Variants in FSTL5 observed in about 807,000 individuals in gnomAD.
FSTL5 encodes the protein follistatin like 5.
Under a neutral mutation model 89.1 loss-of-function variants are expected in FSTL5, and 62 were observed. That is an observed-to-expected ratio of 0.70 (90% CI 0.57 to 0.86). FSTL5 has a LOEUF of 0.86. Among genes scored for constraint, FSTL5 ranks in the 40% least tolerant of loss-of-function variants. FSTL5 has a pLI of 0.00. For missense variants in FSTL5, 1,057 were observed against 1,001.6 expected (o/e 1.06, Z -0.75); for synonymous variants, 383 against 346.2 (o/e 1.11, Z -1.18).
chr4:161,605,877 T>TGCGCTG, intron 7 of FSTL5, among the ~76,000 whole-genome samples: 1 of 152,314 alleles, frequency 6.6e-6, no homozygotes, highest in African/African-American at 2.4e-5. Flanking sequence ...GACTATGTGC[T>TGCGCTG]GCGCTGTGTT....
intron 1 of FSTL5, among the ~76,000 whole-genome samples, chr4:162,154,184 A>C (rs1316866517): frequency 6.6e-6 from 1 of 152,102 alleles, no homozygotes; most frequent in Non-Finnish European, 1.5e-5. Flanking sequence ...CCTTTTAGTT[A>C]GTTATCTTTA....
At chr4:161,696,312 G>C (rs1310101528) in intron 6 of FSTL5, among the ~76,000 whole-genome samples, 1 of 152,052 alleles carries the variant, frequency 6.6e-6, no homozygotes, top group Non-Finnish European at 1.5e-5. Flanking sequence ...TGTTCCATTG[G>C]CCTTTATGAC....
intron 7 of FSTL5, among the ~76,000 whole-genome samples, chr4:161,596,292 C>A (rs1734009281): frequency 6.6e-6 from 1 of 151,642 alleles, no homozygotes; most frequent in Non-Finnish European, 1.5e-5. Flanking sequence ...TAAAGTAAAT[C>A]ATTTTATGAA....
At chr4:161,401,883 G>T (rs930896137) in intron 15 of FSTL5, among the ~76,000 whole-genome samples, 3 of 152,038 alleles carry the variant, frequency 2.0e-5, no homozygotes, top group Non-Finnish European at 2.9e-5. Flanking sequence ...CACTTGAATG[G>T]AAATTATATT....
At chr4:161,512,938 C>A (rs1418931015) in intron 10 of FSTL5, among the ~76,000 whole-genome samples, 5 of 152,010 alleles carry the variant, frequency 3.3e-5, no homozygotes, top group Non-Finnish European at 7.4e-5. Context: ...TTTTACTACA[C>A]AAACAGAAAG....
At chr4:161,727,593 C>T (rs1739465233) in intron 6 of FSTL5, among the ~76,000 whole-genome samples, 1 of 152,136 alleles carries the variant, frequency 6.6e-6, no homozygotes, top group Non-Finnish European at 1.5e-5. Flanking sequence ...ATTCCCTGAC[C>T]AGTTCTAACC....
At chr4:162,045,385 A>G (rs1365274966) in intron 2 of FSTL5, among the ~76,000 whole-genome samples, 1 of 152,134 alleles carries the variant, frequency 6.6e-6, no homozygotes, top group Non-Finnish European at 1.5e-5. Context: ...AGTTCAGTTC[A>G]TGGTGCTCCA....
intron 7 of FSTL5, among the ~76,000 whole-genome samples, chr4:161,617,867 A>C (rs1022011065): frequency 1.3e-5 from 2 of 152,198 alleles, no homozygotes; most frequent in Non-Finnish European, 2.9e-5. Context: ...CTGCACTTTA[A>C]GAAATGCTTA....
At chr4:161,387,022 A>G (rs1203907458) in intron 15 of FSTL5, 1 of 152,210 alleles carries the variant, frequency 6.6e-6, no homozygotes, top group African/African-American at 2.4e-5. Context: ...ATAATGAAGA[A>G]CTTTATTTTT....
At chr4:161,972,142 G>C (rs1226057928) in intron 3 of FSTL5, among the ~76,000 whole-genome samples, 5 of 152,048 alleles carry the variant, frequency 3.3e-5, no homozygotes, top group African/African-American at 1.2e-4. Context: ...TCCCAGGCTG[G>C]AGTGCAGTGG....
chr4:161,771,522 T>C (rs995609303), intron 5 of FSTL5, among the ~76,000 whole-genome samples: 30 of 152,256 alleles, frequency 2.0e-4, no homozygotes, highest in Non-Finnish European at 1.3e-4. Context: ...TTAACCACTA[T>C]GTTATGAGCA....
chr4:161,998,512 C>T (rs956684792), intron 3 of FSTL5, among the ~76,000 whole-genome samples: 2 of 152,020 alleles, frequency 1.3e-5, no homozygotes, highest in African/African-American at 4.8e-5. Flanking sequence ...ATTTAAAATC[C>T]TTCACCTTTG....
intron 3 of FSTL5, among the ~76,000 whole-genome samples, chr4:161,972,535 C>A (rs1735513420): frequency 6.6e-6 from 1 of 152,128 alleles, no homozygotes; most frequent in Admixed American, 6.5e-5. Context: ...ACTGAGGATG[C>A]CTTTGGCCAA....
chr4:161,774,197 C>G (rs1741314561), intron 5 of FSTL5, among the ~76,000 whole-genome samples: 1 of 152,114 alleles, frequency 6.6e-6, no homozygotes, highest in South Asian at 2.1e-4. Flanking sequence ...GGGAGGACAA[C>G]ATGTGACTAT....
intron 11 of FSTL5, among the ~76,000 whole-genome samples, chr4:161,509,082 C>T (rs935565522): frequency 1.3e-5 from 2 of 152,148 alleles, no homozygotes; most frequent in Non-Finnish European, 2.9e-5. Context: ...GCGGGCAGAT[C>T]ACCTGAGGTC....
At chr4:161,574,739 C>T (rs1486831843) in intron 8 of FSTL5, among the ~76,000 whole-genome samples, 1 of 151,962 alleles carries the variant, frequency 6.6e-6, no homozygotes, top group Non-Finnish European at 1.5e-5. Flanking sequence ...GTATGTGCCA[C>T]GTTTTTCATT....
At position 161,992,968 on chromosome 4, in the gene FSTL5, G is replaced by GTA. The variant is rs1178330473; in HGVS notation, c.160+40655_160+40656dup. Among the ~76,000 whole-genome samples, 140 of 107,682 alleles carry GTA rather than the reference G, an allele frequency of 1.3e-3. 9 individuals carry two copies. Among genetic ancestry groups the GTA allele is most frequent in the African/African-American group, 3.1e-3 (93 of 29,610 alleles). 70.6% of individuals were successfully genotyped at this position (107,682 alleles called of 152,430 possible). A position where few individuals can be genotyped will look rare whatever the true frequency, so the allele number is the denominator to read the frequency against. The stretch of plus-strand genomic sequence containing the variant: ...TGTGTATATCTATATATATATGTGT[G>GTA]TATATATATATATGCAAGTAGTGAC... On this transcript the variant is annotated intron_variant, in intron 3 of 15. Transcript: ENST00000306100.
intron 15 of FSTL5, among the ~76,000 whole-genome samples, chr4:161,388,734 A>G (rs1384044119): frequency 1.3e-5 from 2 of 152,058 alleles, no homozygotes; most frequent in African/African-American, 2.4e-5. Context: ...CAATAAGCCA[A>G]TCAAGCTTTG....
At chr4:161,482,194 T>C (rs1578868115) in intron 12 of FSTL5, among the ~76,000 whole-genome samples, 1 of 152,086 alleles carries the variant, frequency 6.6e-6, no homozygotes, top group Admixed American at 6.5e-5. Flanking sequence ...TGGGCACCTG[T>C]AGTCCCAGTT....
Sources: gnomAD v4.1 joint callset for allele counts (sites outside exome capture counted in the v4.1 genomes callset) on GRCh38, gnomAD v4.1.1 for gene constraint, MANE v1.5 for transcripts, NCBI Gene and HGNC (gene_info 2026-07-23, HGNC 2026-07-21) for gene names.